The following GALNT13 variants were observed in gnomAD, a reference collection of about 807,000 sequenced individuals.
GALNT13 encodes the protein polypeptide N-acetylgalactosaminyltransferase 13.
GALNT13 carries 28 observed loss-of-function variants against 64.2 expected under a neutral mutation model. The observed-to-expected ratio is 0.44, with a 90% CI of 0.32 to 0.60. The LOEUF is 0.60. GALNT13 is among the 20% of genes least tolerant of loss of function. The pLI is 0.05. For synonymous variants in GALNT13, 214 were observed against 224.6 expected, an observed-to-expected ratio of 0.95 and a Z score of 0.42; for missense variants, 577 against 669.8, an observed-to-expected ratio of 0.86 and a Z score of 1.53.
intron 9 of GALNT13, among the ~76,000 whole-genome samples, chr2:154,355,943 T>G (rs1050740494): frequency 6.6e-6 from 1 of 152,034 alleles, no homozygotes; most frequent in Non-Finnish European, 1.5e-5. Flanking sequence ...TGCCAGTATC[T>G]TTAATTGCCA....
chr2:153,780,044 C>T, the GALNT13 span, among the ~76,000 whole-genome samples: 14 of 151,676 alleles, frequency 9.2e-5, no homozygotes, highest in East Asian at 2.3e-3. Flanking sequence ...AATAATAGCT[C>T]GGGTGAACTG....
At chr2:154,344,893 A>T (rs1695980849) in intron 9 of GALNT13, among the ~76,000 whole-genome samples, 2 of 151,994 alleles carry the variant, frequency 1.3e-5, no homozygotes, top group Admixed American at 1.3e-4. Context: ...GTAATTGTTG[A>T]TGGGATCTAT....
chr2:153,247,680 C>G, the GALNT13 span, among the ~76,000 whole-genome samples: 7 of 144,284 alleles, frequency 4.9e-5, no homozygotes. Context: ...CAAACACATT[C>G]AAAAGCCAGC....
At chr2:153,938,128 G>T (rs528231802) in intron 2 of GALNT13, among the ~76,000 whole-genome samples, 13 of 152,292 alleles carry the variant, frequency 8.5e-5, no homozygotes, top group Admixed American at 1.3e-4. Context: ...TAATGCAGAA[G>T]AGAAAAGTGC....
chr2:154,096,381 A>AT (rs1702073663), intron 3 of GALNT13, among the ~76,000 whole-genome samples: 2 of 152,050 alleles, frequency 1.3e-5, no homozygotes, highest in Non-Finnish European at 2.9e-5. Flanking sequence ...CTTAAGAGGC[A>AT]TTCCACCTTT....
chr2:154,441,161 T>C (rs571078302), intron 12 of GALNT13, among the ~76,000 whole-genome samples: 1 of 152,232 alleles, frequency 6.6e-6, no homozygotes, highest in African/African-American at 2.4e-5. Flanking sequence ...GTATCTTCCA[T>C]AGTCTTTTTA....
chr2:153,662,233 T>C, the GALNT13 span, among the ~76,000 whole-genome samples: 22 of 152,264 alleles, frequency 1.4e-4, no homozygotes, highest in African/African-American at 5.1e-4. Context: ...TTCCTCCAAA[T>C]TGGGATAACT....
chr2:153,840,893 T>A, the GALNT13 span, among the ~76,000 whole-genome samples: 1 of 152,132 alleles, frequency 6.6e-6, no homozygotes, highest in African/African-American at 2.4e-5. Context: ...AAGAGGTAAA[T>A]TGAACATATT....
At chr2:153,175,566 A>C in the GALNT13 span, among the ~76,000 whole-genome samples, 1 of 152,166 alleles carries the variant, frequency 6.6e-6, no homozygotes, top group Admixed American at 6.5e-5. Flanking sequence ...ATTTGTAATA[A>C]TTTAATACAT....
the GALNT13 span, among the ~76,000 whole-genome samples, chr2:153,397,968 T>C: frequency 6.6e-6 from 1 of 152,038 alleles, no homozygotes; most frequent in Non-Finnish European, 1.5e-5. Context: ...CATGTGCACA[T>C]TGTGCAGGTT....
intron 1 of GALNT13, among the ~76,000 whole-genome samples, chr2:153,875,468 A>T (rs573182206): frequency 3.3e-5 from 5 of 152,288 alleles, no homozygotes; most frequent in African/African-American, 1.2e-4. Flanking sequence ...TAACTTTTTA[A>T]CTTACTGGGC....
At chr2:153,474,194 A>G in the GALNT13 span, among the ~76,000 whole-genome samples, 2 of 152,254 alleles carry the variant, frequency 1.3e-5, no homozygotes, top group African/African-American at 4.8e-5. Flanking sequence ...TAAGAGATTT[A>G]TGAAACATCT....
At chr2:154,120,884 T>C (rs1289987749) in intron 3 of GALNT13, among the ~76,000 whole-genome samples, 1 of 152,182 alleles carries the variant, frequency 6.6e-6, no homozygotes, top group Non-Finnish European at 1.5e-5. Context: ...CTAGTCACTA[T>C]GACCTGCACT....
At chr2:153,559,907 T>C in the GALNT13 span, among the ~76,000 whole-genome samples, 1 of 152,126 alleles carries the variant, frequency 6.6e-6, no homozygotes, top group Non-Finnish European at 1.5e-5. Flanking sequence ...TAACAAGTTA[T>C]ATTCTAGCAC....
chr2:154,156,009 CTTATT>C (rs1405949092), intron 4 of GALNT13, among the ~76,000 whole-genome samples: 1 of 148,752 alleles, frequency 6.7e-6, no homozygotes, highest in African/African-American at 2.6e-5. Context: ...TTTATAGTGT[CTTATT>C]TTATTTTTTC....
the GALNT13 span, among the ~76,000 whole-genome samples, chr2:153,557,061 T>G: frequency 6.6e-6 from 1 of 152,144 alleles, no homozygotes; most frequent in Admixed American, 6.5e-5. Flanking sequence ...ATTACAGTCA[T>G]GCACCACATA....
chr2:154,024,163 G>A lies in GALNT13; in HGVS notation c.142+79524G>A, dbSNP rs563817355. ...CATTTCAACTTTGGTGAATCTGACA[G>A]TTATGTGTCTTGGAGTTGCTCTTCT... is the stretch of plus-strand genomic sequence containing the variant. On this transcript the variant is annotated intron_variant, in intron 3 of 12. Coordinates refer to ENST00000392825, the MANE Select transcript of GALNT13 (RefSeq NM_052917.4). Among the ~76,000 whole-genome samples the A allele has an allele frequency of 4.8e-3, 733 of 151,702 alleles. 12 individuals carry two copies. Among genetic ancestry groups the A allele is most frequent in the African/African-American group, 0.017 (705 of 41,216 alleles).
At chr2:153,254,825 T>C in the GALNT13 span, among the ~76,000 whole-genome samples, 1 of 152,214 alleles carries the variant, frequency 6.6e-6, no homozygotes, top group Non-Finnish European at 1.5e-5. Flanking sequence ...TACACTGTGG[T>C]CTGAGAGACA....
intron 12 of GALNT13, among the ~76,000 whole-genome samples, chr2:154,440,719 TA>T (rs1701247470): frequency 6.6e-6 from 1 of 152,122 alleles, no homozygotes; most frequent in South Asian, 2.1e-4. Context: ...CAAAATTAAC[TA>T]GTGATGTTTA....
Sources: allele counts gnomAD v4.1 joint callset (sites outside exome capture counted in the v4.1 genomes callset), GRCh38; gene constraint gnomAD v4.1.1; transcripts MANE v1.5; gene names NCBI Gene and HGNC (gene_info 2026-07-23, HGNC 2026-07-21).